MALSU1: variants seen among roughly 807,000 people sequenced by gnomAD.
MALSU1 encodes mitochondrial assembly of ribosomal large subunit 1, also known as mitochondrial assembly of ribosomal large subunit protein 1.
Under a neutral mutation model 22.1 loss-of-function variants are expected in MALSU1, and 22 were observed. That is an observed-to-expected ratio of 1.00 (90% CI 0.71 to 1.42). MALSU1 has a LOEUF of 1.42. MALSU1 is among the 40% of genes most tolerant of loss of function. The probability of loss-of-function intolerance (pLI) is 0.00; values close to 1 mark genes in which losing one functional copy is unlikely to be tolerated. For missense variants in MALSU1, 379 were observed against 308.3 expected (o/e 1.23, Z -1.72); for synonymous variants, 153 against 118.5 (o/e 1.29, Z -1.89).
chr7:23,301,479 A>G (rs1458239725), intron 2 of MALSU1, among the ~76,000 whole-genome samples: 3 of 152,064 alleles, frequency 2.0e-5, no homozygotes, highest in African/African-American at 7.2e-5. Context: ...GGCTGGTCTC[A>G]AACTCCTGAC....
chr7:23,308,090 GT>G, intron 3 of MALSU1, 141 bp downstream of exon 3: 1 of 693,432 alleles, frequency 1.4e-6, no homozygotes, highest in Non-Finnish European at 2.5e-6. Context: ...GGTAACAAAA[GT>G]TTTTTTAGTT....
rs964097988 is a variant in MALSU1, at chr7:23,311,328, C to T, written c.*1785C>T. 1 of 152,580 alleles carries T rather than the reference C, an allele frequency of 6.6e-6. No individual in the cohort carries two copies. Among genetic ancestry groups the T allele is most frequent in the Non-Finnish European group, 1.5e-5 (1 of 68,020 alleles). 9.5% of individuals were successfully genotyped at this position (152,580 alleles called of 1,614,324 possible). A position where few individuals can be genotyped will look rare whatever the true frequency, so the allele number is the denominator to read the frequency against. On this transcript the variant is annotated 3_prime_UTR_variant, in exon 4 of 4. Transcript: ENST00000466681. ...TTTTGCCAGTCAGTTGAAAGTCTTG[C>T]ATCTCTTCACTGATGCACTTTCTTT...
At chr7:23,303,780 C>T (rs1164646230) in intron 2 of MALSU1, among the ~76,000 whole-genome samples, 1 of 148,130 alleles carries the variant, frequency 6.8e-6, no homozygotes, top group Non-Finnish European at 1.5e-5. Context: ...CTGCACTCCA[C>T]CCTGGGTGAC....
Position 23,307,867 on chromosome 7 carries a change from G to C in MALSU1, c.436-1G>C. On this transcript the variant is annotated splice_acceptor_variant, in intron 2 of 3. Transcript: ENST00000466681. LOFTEE classifies it high-confidence loss of function. Reference sequence around the variant, plus strand: ...TTAATAAACCACCTGGCTTTTTGCAGTACAAACACCTGAAATGTAAACGTG... The same window carrying C: ...TTAATAAACCACCTGGCTTTTTGCACTACAAACACCTGAAATGTAAACGTG... The C allele has an allele frequency of 1.2e-6, 2 of 1,612,230 alleles. No individual in the cohort carries two copies. The highest frequency in any genetic ancestry group is 1.7e-6 in the Non-Finnish European group (2 of 1,178,650).
rs546414228 is a variant in MALSU1 at position 23,306,200 on chromosome 7, G to A, written c.436-1668G>A. Reference sequence around the variant, plus strand: ...CAAGAGCGAAACTCAAAACAAGAACGTCTCAATTAAAAAAAAAAAAGTATT... The same window carrying A: ...CAAGAGCGAAACTCAAAACAAGAACATCTCAATTAAAAAAAAAAAAGTATT... On this transcript the variant is annotated intron_variant, in intron 2 of 3. Transcript: ENST00000466681. Among the ~76,000 whole-genome samples the A allele has an allele frequency of 6.0e-5, 9 of 150,556 alleles. 1 individual carries two copies. The highest frequency in any genetic ancestry group is 7.4e-5 in the African/African-American group (3 of 40,596).
intron 2 of MALSU1, among the ~76,000 whole-genome samples, chr7:23,303,813 G>GAA (rs57849044): frequency 9.0e-6 from 1 of 110,790 alleles, no homozygotes; most frequent in Non-Finnish European, 1.9e-5. Context: ...TGTCTCAAAA[G>GAA]AAAAAAAAAA....
chr7:23,305,974 C>T (rs765250596), intron 2 of MALSU1, among the ~76,000 whole-genome samples: 28 of 152,164 alleles, frequency 1.8e-4, no homozygotes, highest in Non-Finnish European at 4.1e-4. Context: ...GCAGGCAGAT[C>T]ACCTGAGATC....
intron 2 of MALSU1, among the ~76,000 whole-genome samples, chr7:23,305,404 T>G (rs1477989067): frequency 6.6e-6 from 1 of 151,898 alleles, no homozygotes; most frequent in African/African-American, 2.4e-5. Flanking sequence ...TTTTTTTTTT[T>G]TTTTTGAGAT....
rs946715557 is a variant in MALSU1 at position 23,310,351 on chromosome 7, G to A, written c.*808G>A. 3 of 152,206 alleles carry A rather than the reference G, an allele frequency of 2.0e-5. No individual in the cohort carries two copies. The highest frequency in any genetic ancestry group is 7.2e-5 in the African/African-American group (3 of 41,444). 9.4% of individuals were successfully genotyped at this position (152,206 alleles called of 1,614,324 possible). A position where few individuals can be genotyped will look rare whatever the true frequency, so the allele number is the denominator to read the frequency against. On this transcript the variant is annotated 3_prime_UTR_variant, in exon 4 of 4. Transcript: ENST00000466681. ...TAGAATTATTTCTTAGCTAGTACCA[G>A]ATACTCCAAATTACAAATGCTTAAG...
chr7:23,309,315 T>G, intron 3 of MALSU1, 41 bp from the exon 4 acceptor site: 4 of 1,536,334 alleles, frequency 2.6e-6, no homozygotes, highest in South Asian at 1.2e-5. Flanking sequence ...TAAAAGCAAA[T>G]GAACTATTCC....
chr7:23,306,676 G>A (rs747417315), intron 2 of MALSU1, among the ~76,000 whole-genome samples: 14 of 152,210 alleles, frequency 9.2e-5, no homozygotes, highest in Admixed American at 2.0e-4. Context: ...CTTTTTCTGC[G>A]TCAGTTCAGA....
chr7:23,305,732 A>T (rs1287709013), intron 2 of MALSU1, among the ~76,000 whole-genome samples: 1 of 152,200 alleles, frequency 6.6e-6, no homozygotes, highest in Non-Finnish European at 1.5e-5. Context: ...TGTGATCTTG[A>T]TATAGATTGC....
Position 23,310,480 on chromosome 7 carries a change from A to G in MALSU1, c.*937A>G, listed in dbSNP as rs1182050717. 1.3e-5 allele frequency: 2 copies of G among 152,244 alleles called. No individual in the cohort carries two copies. Among genetic ancestry groups the G allele is most frequent in the African/African-American group, 2.4e-5 (1 of 41,468 alleles). 9.4% of individuals were successfully genotyped at this position (152,244 alleles called of 1,614,324 possible). A position where few individuals can be genotyped will look rare whatever the true frequency, so the allele number is the denominator to read the frequency against. Reference sequence around the variant, plus strand: ...AGCACCTATGTGTATATTTTTAAAAAATCAAATATTGGGGAAAAAAATCAA... The same window carrying G: ...AGCACCTATGTGTATATTTTTAAAAGATCAAATATTGGGGAAAAAAATCAA... On this transcript the variant is annotated 3_prime_UTR_variant, in exon 4 of 4. Transcript: ENST00000466681.
chr7:23,306,584 CCTT>C (rs1783725703), intron 2 of MALSU1, among the ~76,000 whole-genome samples: 1 of 152,018 alleles, frequency 6.6e-6, no homozygotes. Flanking sequence ...CTCACATGGC[CCTT>C]ATTATGTTGA....
chr7:23,309,645 A>G lies in MALSU1; in HGVS notation c.*102A>G. The G allele has an allele frequency of 1.1e-6, 1 of 949,174 alleles. No homozygotes were observed. The highest frequency in any genetic ancestry group is 2.7e-5 in the East Asian group (1 of 37,040). 58.8% of individuals were successfully genotyped at this position (949,174 alleles called of 1,614,324 possible). On this transcript the variant is annotated 3_prime_UTR_variant, in exon 4 of 4. Coordinates refer to ENST00000466681, the MANE Select transcript of MALSU1 (RefSeq NM_138446.2). The stretch of plus-strand genomic sequence containing the variant: ...TCTCCTTGGTTAGGCTGCTCTTAGG[A>G]CAAGGCTTGTGTACCTCATGGGCAC...
At chr7:23,307,981 T>G (rs1783745922) in intron 3 of MALSU1, 32 bp downstream of exon 3, 1 of 1,429,862 alleles carries the variant, frequency 7.0e-7, no homozygotes, top group African/African-American at 1.4e-5. Flanking sequence ...TACAGGTAAC[T>G]GTTGGTACTA....
Position 23,309,735 on chromosome 7 carries a change from A to C in MALSU1, c.*192A>C, listed in dbSNP as rs1583863774. 2.6e-6 allele frequency: 1 copy of C among 391,204 alleles called. No homozygotes were observed. The highest frequency in any genetic ancestry group is 4.1e-5 in the East Asian group (1 of 24,664). 24.2% of individuals were successfully genotyped at this position (391,204 alleles called of 1,614,324 possible). On this transcript the variant is annotated 3_prime_UTR_variant, in exon 4 of 4. Transcript: ENST00000466681. ...TATACCTGCAACCAAAAATCAGTAC[A>C]TTCTACCCAAAACTTATGACACGCT...
chr7:23,307,791 CAAAAA>C, intron 2 of MALSU1, 72 bp from the exon 3 acceptor site: 1 of 763,292 alleles, frequency 1.3e-6, no homozygotes, highest in East Asian at 2.9e-5. Context: ...AACAAACAAA[CAAAAA>C]AAAAAGACCT....
chr7:23,306,429 C>CT (rs575334744), intron 2 of MALSU1, among the ~76,000 whole-genome samples: 5,682 of 142,750 alleles, frequency 0.04, 335 homozygotes, highest in African/African-American at 0.13. Context: ...ATTTGGGTAC[C>CT]TTTTTTTTTT....
Sources: allele counts gnomAD v4.1 joint callset (sites outside exome capture counted in the v4.1 genomes callset), GRCh38; gene constraint gnomAD v4.1.1; transcripts MANE v1.5; gene names NCBI Gene and HGNC (gene_info 2026-07-23, HGNC 2026-07-21).